The following PITPNM1 variants were observed in gnomAD, a reference collection of about 807,000 sequenced individuals.
PITPNM1 encodes the protein phosphatidylinositol transfer protein membrane associated 1, also known as membrane-associated phosphatidylinositol transfer protein 1.
PITPNM1 carries 74 observed loss-of-function variants against 133.3 expected under a neutral mutation model. That is an observed-to-expected ratio of 0.56 (90% CI 0.46 to 0.67). The LOEUF (loss-of-function observed/expected upper bound fraction) is 0.67, where lower values mean the gene tolerates loss of function less well. Ranked by LOEUF, PITPNM1 falls within the 30% of genes least tolerant of loss-of-function variation. PITPNM1 has a pLI of 0.00. For synonymous variants in PITPNM1, 738 were observed against 741.4 expected (o/e 1.00, Z 0.08); for missense variants, 1,398 against 1,739.5 (o/e 0.80, Z 3.49).
chr11:67,495,894 C>T (rs556640749), intron 15 of PITPNM1, among the ~76,000 whole-genome samples: 1 of 152,372 alleles, frequency 6.6e-6, no homozygotes, highest in Admixed American at 6.5e-5. Context: ...CACACAGATG[C>T]AGCAGCGCAC....
At position 67,495,182 on chromosome 11, in the gene PITPNM1, C is replaced by T. The variant is rs748680538; in HGVS notation, c.2526G>A (p.Leu842=). 1 of 1,610,178 alleles carries T rather than the reference C, an allele frequency of 6.2e-7. No individual in the cohort carries two copies. The highest frequency in any genetic ancestry group is 8.5e-7 in the Non-Finnish European group (1 of 1,178,774). Residue 842 remains leucine (L), a synonymous_variant, in exon 17 of 24, where the codon CTG becomes CTA. Transcript: ENST00000356404. ...WWGTKRIDYS[L]YCPEALTAFP... Reference sequence around the variant, plus strand: ...AGGCGGTGAGCGCCTCGGGGCAGTACAGCGAGTAGTCGATCCGCTTGGTCC... The same window carrying T: ...AGGCGGTGAGCGCCTCGGGGCAGTATAGCGAGTAGTCGATCCGCTTGGTCC...
rs1439314005 is a variant in PITPNM1, at chr11:67,500,311, T to A, written c.751A>T (p.Met251Leu). The change falls in exon 6 of 24, where the codon ATG (methionine) becomes TTG (leucine). Residue 251 changes from methionine to leucine, a missense_variant. Transcript: ENST00000356404. Reference sequence around the variant, plus strand: ...CACTTGGCCATGCGCTGGGCCAGCATGCGAGCAGTCTCCTCTTCCAGTGCC... The same window carrying A: ...CACTTGGCCATGCGCTGGGCCAGCAAGCGAGCAGTCTCCTCTTCCAGTGCC... ...IRALEEETAR[M>L]LAQRMAKCNT... 6.2e-7 allele frequency: 1 copy of A among 1,611,632 alleles called. No individual in the cohort carries two copies. The highest frequency in any genetic ancestry group is 8.5e-7 in the Non-Finnish European group (1 of 1,179,908).
chr11:67,502,211 G>A lies in PITPNM1; in HGVS notation c.415+81C>T, dbSNP rs1866345185. 6.4e-7 allele frequency: 1 copy of A among 1,572,448 alleles called. No homozygotes were observed. On this transcript the variant is annotated intron_variant, in intron 4 of 23. Transcript: ENST00000356404. The surrounding 1 kb of genome is among the most constrained non-coding windows in gnomAD (Gnocchi z 5.9). ...CAGGACATGAGGCCTGGAGAGGGCT[G>A]GGACTTCTCAGAGGCTGCCCACTGA...
At chr11:67,493,660 G>A (rs1866009613) in intron 21 of PITPNM1, 28 bp downstream of exon 21, 1 of 1,545,296 alleles carries the variant, frequency 6.5e-7, no homozygotes, top group South Asian at 1.2e-5. Context: ...CCGGTGAAAT[G>A]GGTGGTGGTG....
intron 18 of PITPNM1, 88 bp from the exon 19 acceptor site, chr11:67,494,448 A>ATG: frequency 2.1e-6 from 1 of 485,342 alleles, no homozygotes; most frequent in Non-Finnish European, 3.3e-6. Flanking sequence ...ACACGCAAAC[A>ATG]CCGGGGTGGG....
rs558111292 is a variant in PITPNM1 at position 67,493,206 on chromosome 11, G to A, written c.3343-144C>T. 14 of 1,139,846 alleles carry A rather than the reference G, an allele frequency of 1.2e-5. No individual in the cohort carries two copies. The African/African-American group carries it at 2.0e-4, about 16-fold the overall frequency. The allele number at this position is 1,139,846 out of a possible 1,614,324, so 70.6% of individuals were successfully genotyped here. On this transcript the variant is annotated intron_variant, in intron 22 of 23. Coordinates refer to ENST00000356404, the MANE Select transcript of PITPNM1 (RefSeq NM_004910.3). ...AGGTCCCAGTCCCACGGGGACAGGG[G>A]CGGGACCAGCTGCATCTCCCTAGTT...
chr11:67,503,907 G>C (rs912276207), intron 2 of PITPNM1, 196 bp downstream of exon 2: 7 of 521,166 alleles, frequency 1.3e-5, no homozygotes, highest in Non-Finnish European at 2.4e-5. Context: ...TCAGAGGAGG[G>C]CTGGGCACTT....
At position 67,497,307 on chromosome 11, in the gene PITPNM1, G is replaced by C. The variant is rs777900175; in HGVS notation, c.2070C>G (p.Val690=). ...PSSTARLDFK[V]SGFFLFGSPL... ...GGGAGCCGAAGAGGAAGAAGCCAGA[G>C]ACCTTGAAGTCAAGGCGGGCAGTGC... The change falls in exon 14 of 24, where the codon GTC becomes GTG. Residue 690 remains valine, a synonymous_variant. Coordinates refer to ENST00000356404, the MANE Select transcript of PITPNM1 (RefSeq NM_004910.3). 1 of 1,612,474 alleles carries C rather than the reference G, an allele frequency of 6.2e-7. No homozygotes were observed. The highest frequency in any genetic ancestry group is 8.5e-7 in the Non-Finnish European group (1 of 1,179,636).
At chr11:67,497,134 A>C (rs1335928050) in intron 14 of PITPNM1, 97 bp downstream of exon 14, 6 of 986,262 alleles carry the variant, frequency 6.1e-6, no homozygotes, top group Non-Finnish European at 8.8e-6. Context: ...ACAGTGGGGA[A>C]GTTGCTCATG....
chr11:67,500,455 C>T (rs375103652), intron 5 of PITPNM1, 34 bp from the exon 6 acceptor site: 325 of 1,571,234 alleles, frequency 2.1e-4, no homozygotes, highest in Non-Finnish European at 2.8e-4. Context: ...CTGCCCCCTC[C>T]CCCTGCTTCC....
At chr11:67,493,179 A>T in intron 22 of PITPNM1, 117 bp from the exon 23 acceptor site, 1 of 1,322,826 alleles carries the variant, frequency 7.6e-7, no homozygotes, top group Non-Finnish European at 1.1e-6. Flanking sequence ...GGAGGCGAAG[A>T]CAGGTCCCAG....
rs757087522 is a variant in PITPNM1, at chr11:67,492,084, C to T, written c.3684G>A (p.Leu1228=). 3.7e-6 allele frequency: 6 copies of T among 1,612,564 alleles called. No individual in the cohort carries two copies. Among genetic ancestry groups the T allele is most frequent in the Non-Finnish European group, 5.1e-6 (6 of 1,179,886 alleles). The part of the protein sequence containing the change: ...REGPGTPPTT[L]ARGKARSISL... ...TGATGCTCCGTGCTTTGCCCCGTGC[C>T]AGGGTGGTGGGTGGTGTTCCCGGGC... The change falls in exon 24 of 24, where the codon CTG becomes CTA. Residue 1228 remains leucine, a synonymous_variant. Coordinates refer to ENST00000356404, the MANE Select transcript of PITPNM1 (RefSeq NM_004910.3).
intron 12 of PITPNM1, 85 bp downstream of exon 12, chr11:67,497,832 A>G (rs959321687): frequency 1.4e-6 from 2 of 1,474,456 alleles, no homozygotes; most frequent in African/African-American, 2.8e-5. Flanking sequence ...GCCTGCTGGC[A>G]GAGGGGTGGC....
chr11:67,497,257 C>T lies in PITPNM1; in HGVS notation c.2120G>A (p.Arg707His), dbSNP rs200012385. The T allele has an allele frequency of 2.5e-6, 4 of 1,610,672 alleles. No individual in the cohort carries two copies. Among genetic ancestry groups the T allele is most frequent in the Non-Finnish European group, 2.5e-6 (3 of 1,178,558 alleles). The change falls in exon 14 of 24, where the codon CGC becomes CAC. Residue 707 changes from arginine (R) to histidine (H), a missense_variant. Physicochemically the swap from Arg to His is conservative, Grantham distance 29. Coordinates refer to ENST00000356404, the MANE Select transcript of PITPNM1 (RefSeq NM_004910.3). ...CTCCAGGGCGGGCATCACAGTTTTG[C>T]GCAGAGCCAGCACCAGGCCCAGTGG... ...GSPLGLVLALRKTVMPALEAA... is the reference protein window; with the variant it reads ...GSPLGLVLALHKTVMPALEAA...
intron 8 of PITPNM1, 169 bp downstream of exon 8, chr11:67,499,551 ATCC>A: frequency 1.6e-5 from 2 of 121,258 alleles, no homozygotes; most frequent in Non-Finnish European, 3.2e-5. Flanking sequence ...CTAATCATCC[ATCC>A]ATCCACCCAT....
upstream of PITPNM1, chr11:67,506,167 G>C (rs977466784): frequency 2.6e-5 from 4 of 154,274 alleles, no homozygotes; most frequent in African/African-American, 9.6e-5. Context: ...GTGTGAGGGA[G>C]TGGCTTACGT....
chr11:67,497,897 C>CTATA lies in PITPNM1; in HGVS notation c.1782+19_1782+20insTATA, dbSNP rs1305880028. Reference sequence around the variant, plus strand: ...GAGGGCCTTTCCGCTCCTGAGGAGGCCGGGTTTGGCTATACTGACCATGCT... The same window carrying CTATA: ...GAGGGCCTTTCCGCTCCTGAGGAGGCTATACGGGTTTGGCTATACTGACCATGCT... On this transcript the variant is annotated intron_variant, in intron 12 of 23. Coordinates refer to ENST00000356404, the MANE Select transcript of PITPNM1 (RefSeq NM_004910.3). The CTATA allele has an allele frequency of 1.9e-6, 3 of 1,605,344 alleles. No homozygotes were observed. Among genetic ancestry groups the CTATA allele is most frequent in the Non-Finnish European group, 1.7e-6 (2 of 1,176,276 alleles).
Position 67,492,249 on chromosome 11 carries a change from G to T in PITPNM1, c.3519C>A (p.Gly1173=). 6.3e-7 allele frequency: 1 copy of T among 1,599,290 alleles called. No individual in the cohort carries two copies. The highest frequency in any genetic ancestry group is 8.5e-7 in the Non-Finnish European group (1 of 1,171,298). The part of the protein sequence containing the change: ...YVAHLGQLEA[G]SHSHASSGPP... ...GTCCCGAGGAGGCATGCGAGTGCGA[G>T]CCCGCTTCCAGCTGGCCCAGGTGGG... Residue 1173 remains glycine, a synonymous_variant, in exon 24 of 24, where the codon GGC becomes GGA. Transcript: ENST00000356404.
At chr11:67,496,469 A>G in intron 14 of PITPNM1, 121 bp from the exon 15 acceptor site, 1 of 828,802 alleles carries the variant, frequency 1.2e-6, no homozygotes, top group Non-Finnish European at 1.8e-6. Context: ...GCACTTCCCA[A>G]ACTGCACTCC....
Sources: allele counts gnomAD v4.1 joint callset (sites outside exome capture counted in the v4.1 genomes callset), GRCh38; gene constraint gnomAD v4.1.1; non-coding constraint Gnocchi (gnomAD v3.1); transcripts MANE v1.5; gene names NCBI Gene and HGNC (gene_info 2026-07-23, HGNC 2026-07-21).